Variants in FZD9 observed in about 807,000 individuals in gnomAD.
FZD9 encodes frizzled class receptor 9, also known as frizzled-9.
A neutral mutation model predicts 29.9 loss-of-function variants in FZD9; 29 were observed. That is an observed-to-expected ratio of 0.97 (90% CI 0.72 to 1.32). The LOEUF (loss-of-function observed/expected upper bound fraction) is 1.32. Among genes scored for constraint, FZD9 ranks in the 40% most tolerant of loss-of-function variants. The probability of loss-of-function intolerance (pLI) is 0.00; values close to 1 mark genes in which losing one functional copy is unlikely to be tolerated. For synonymous variants in FZD9, 384 were observed against 393.9 expected, an observed-to-expected ratio of 0.97 and a Z score of 0.30; for missense variants, 822 against 857.8, an observed-to-expected ratio of 0.96 and a Z score of 0.52.
Position 73,434,819 on chromosome 7 carries a change from C to T in FZD9, c.812C>T (p.Ser271Phe). The T allele has an allele frequency of 6.2e-7, 1 of 1,613,340 alleles. No homozygotes were observed. Among genetic ancestry groups the T allele is most frequent in the Non-Finnish European group, 8.5e-7 (1 of 1,180,006 alleles). ...CCCGAGCGCCCCATCATCTTCCTCT[C>T]CATGTGCTACAACGTCTACTCGCTG... The part of the protein sequence containing the change: ...QYPERPIIFL[S>F]MCYNVYSLAF... The change falls in exon 1 of 1, where the codon TCC (serine) becomes TTC (phenylalanine). Residue 271 changes from serine to phenylalanine, a missense_variant. By Grantham distance (155) the Ser-to-Phe change is radical. Coordinates refer to ENST00000344575, the MANE Select transcript of FZD9 (RefSeq NM_003508.3).
chr7:73,434,520 C>A lies in FZD9; in HGVS notation c.513C>A (p.Gly171=), dbSNP rs1199362931. 6.9e-6 allele frequency: 10 copies of A among 1,441,168 alleles called. No individual in the cohort carries two copies. Among genetic ancestry groups the A allele is most frequent in the Non-Finnish European group, 9.0e-6 (10 of 1,109,104 alleles). 89.3% of individuals were successfully genotyped at this position (1,441,168 alleles called of 1,614,324 possible). Reference sequence around the variant, plus strand: ...CCGCGGAGCCCCACAAGGGCCTGGGCATGCTGCCCGTGGCGCCGCGGCCCG... The same window carrying A: ...CCGCGGAGCCCCACAAGGGCCTGGGAATGCTGCCCGTGGCGCCGCGGCCCG... ...AGPAEPHKGL[G]MLPVAPRPAR... Residue 171 remains glycine (G), a synonymous_variant, in exon 1 of 1, where the codon GGC becomes GGA. Coordinates refer to ENST00000344575, the MANE Select transcript of FZD9 (RefSeq NM_003508.3).
rs1168629728 is a variant in FZD9, at chr7:73,434,912, A to T, written c.905A>T (p.Tyr302Phe). Residue 302 changes from tyrosine to phenylalanine, a missense_variant, in exon 1 of 1, where the codon TAC (tyrosine) becomes TTC (phenylalanine). By Grantham distance (22) the Tyr-to-Phe change is conservative (BLOSUM62 3). Transcript: ENST00000344575. ...TGTGACCAGGAGGCGGGCGCGCTCT[A>T]CGTGATCCAGGAGGGCCTGGAGAAC... Reference protein sequence around the residue: ...VACDQEAGALYVIQEGLENTG... With the variant: ...VACDQEAGALFVIQEGLENTG... The T allele has an allele frequency of 4.3e-6, 7 of 1,613,746 alleles. No homozygotes were observed. The African/African-American group carries it at 8.0e-5, about 18-fold the overall frequency.
chr7:73,434,268 C>A lies in FZD9; in HGVS notation c.261C>A (p.His87Gln). 1 of 1,588,400 alleles carries A rather than the reference C, an allele frequency of 6.3e-7. No individual in the cohort carries two copies. The highest frequency in any genetic ancestry group is 2.3e-5 in the East Asian group (1 of 43,900). The change falls in exon 1 of 1, where the codon CAC becomes CAA. Residue 87 changes from histidine (H) to glutamine (Q), a missense_variant. By Grantham distance (24) the His-to-Gln change is conservative (BLOSUM62 0). Transcript: ENST00000344575. ...TGGTGCAGTACGGCTGCCACAGCCA[C>A]CTGCGCTTCTTCCTGTGCTCGCTCT... ...APLVQYGCHSHLRFFLCSLYA... is the reference protein window; with the variant it reads ...APLVQYGCHSQLRFFLCSLYA...
At position 73,434,596 on chromosome 7, in the gene FZD9, G is replaced by C. The variant is rs1459118499; in HGVS notation, c.589G>C (p.Glu197Gln). 7.2e-6 allele frequency: 11 copies of C among 1,537,780 alleles called. No homozygotes were observed. The highest frequency in any genetic ancestry group is 8.7e-6 in the Non-Finnish European group (10 of 1,149,400). ...GPGAGGSGTC[E>Q]NPEKFQYVEK... ...GGGCGCGGGCGGCAGTGGCACCTGC[G>C]AGAACCCCGAGAAGTTCCAGTACGT... Residue 197 changes from glutamate (E) to glutamine (Q), a missense_variant, in exon 1 of 1, where the codon GAG becomes CAG. Glu to Gln is a conservative substitution (Grantham distance 29). Coordinates refer to ENST00000344575, the MANE Select transcript of FZD9 (RefSeq NM_003508.3).
Position 73,434,943 on chromosome 7 carries a change from C to A in FZD9, c.936C>A (p.Gly312=). The A allele has an allele frequency of 6.2e-7, 1 of 1,614,036 alleles. No homozygotes were observed. The highest frequency in any genetic ancestry group is 8.5e-7 in the Non-Finnish European group (1 of 1,180,016). Residue 312 remains glycine, a synonymous_variant, in exon 1 of 1, where the codon GGC becomes GGA. Coordinates refer to ENST00000344575, the MANE Select transcript of FZD9 (RefSeq NM_003508.3). The stretch of plus-strand genomic sequence containing the variant: ...TCCAGGAGGGCCTGGAGAACACGGG[C>A]TGCACGCTGGTCTTCCTACTGCTCT... ...YVIQEGLENT[G]CTLVFLLLYY...
rs782632335 is a variant in FZD9 at position 73,436,015 on chromosome 7, G to A, written c.*232G>A. On this transcript the variant is annotated 3_prime_UTR_variant, in exon 1 of 1. Transcript: ENST00000344575. ...GAGTCCCCACAGGGTCCTAGTGGAG[G>A]ATGTGGAGGGGCGGGGCAGAGGGGT... The A allele has an allele frequency of 1.2e-5, 6 of 507,092 alleles. No individual in the cohort carries two copies. Among genetic ancestry groups the A allele is most frequent in the Non-Finnish European group, 2.1e-5 (6 of 284,058 alleles). 31.4% of individuals were successfully genotyped at this position (507,092 alleles called of 1,614,324 possible). A position where few individuals can be genotyped will look rare whatever the true frequency, so the allele number is the denominator to read the frequency against.
Position 73,435,198 on chromosome 7 carries a change from G to A in FZD9, c.1191G>A (p.Ala397=), listed in dbSNP as rs1401799000. The part of the protein sequence containing the change: ...LCYVASTDAA[A]LTGFVLVPLS... ...ACGTGGCCAGCACGGATGCAGCAGC[G>A]CTCACGGGCTTCGTGCTGGTGCCCC... Residue 397 remains alanine (A), a synonymous_variant, in exon 1 of 1, where the codon GCG becomes GCA. Transcript: ENST00000344575. The A allele has an allele frequency of 2.5e-6, 4 of 1,613,150 alleles. No individual in the cohort carries two copies. In the African/African-American group the frequency reaches 4.0e-5, roughly 16 times the overall value.
rs1554563703 is a variant in FZD9, at chr7:73,435,768, C to T, written c.1761C>T (p.Asn587=). 1.3e-6 allele frequency: 2 copies of T among 1,590,266 alleles called. No individual in the cohort carries two copies. Among genetic ancestry groups the T allele is most frequent in the African/African-American group, 2.7e-5 (2 of 74,508 alleles). Residue 587 remains asparagine, a synonymous_variant, in exon 1 of 1, where the codon AAC becomes AAT. Coordinates refer to ENST00000344575, the MANE Select transcript of FZD9 (RefSeq NM_003508.3). ...CTAAGACGGACCCCTCTTTGGAGAA[C>T]CCCACACACCTCTAGCCACACAGGC... is the stretch of plus-strand genomic sequence containing the variant. The part of the protein sequence containing the change: ...HMTKTDPSLE[N]PTHL
rs782166013 is a variant in FZD9 at position 73,435,103 on chromosome 7, C to G, written c.1096C>G (p.Pro366Ala). The change falls in exon 1 of 1, where the codon CCC becomes GCC. Residue 366 changes from proline to alanine, a missense_variant. Physicochemically the swap from Pro to Ala is conservative, Grantham distance 27 (BLOSUM62 -1). Coordinates refer to ENST00000344575, the MANE Select transcript of FZD9 (RefSeq NM_003508.3). Reference sequence around the variant, plus strand: ...TTTCCACATGGCTGCCTGGGGCCTGCCCGCGCTCAAGACCATCGTCATCCT... The same window carrying G: ...TTTCCACATGGCTGCCTGGGGCCTGGCCGCGCTCAAGACCATCGTCATCCT... ...SYFHMAAWGL[P>A]ALKTIVILTL... 1 of 1,611,480 alleles carries G rather than the reference C, an allele frequency of 6.2e-7. No individual in the cohort carries two copies. Among genetic ancestry groups the G allele is most frequent in the Non-Finnish European group, 8.5e-7 (1 of 1,178,970 alleles).
Position 73,434,448 on chromosome 7 carries a change from C to T in FZD9, c.441C>T (p.Asp147=), listed in dbSNP as rs1787362219. The T allele has an allele frequency of 2.6e-6, 4 of 1,537,950 alleles. No homozygotes were observed. The East Asian group carries it at 1.0e-4, about 39-fold the overall frequency. The part of the protein sequence containing the change: ...LDCARLPTRN[D]PHALCMEAPE... ...GCGCCCGGCTGCCCACGCGCAACGA[C>T]CCGCACGCGCTGTGCATGGAGGCGC... Residue 147 remains aspartate (D), a synonymous_variant, in exon 1 of 1, where the codon GAC becomes GAT. Coordinates refer to ENST00000344575, the MANE Select transcript of FZD9 (RefSeq NM_003508.3).
chr7:73,434,650 T>C lies in FZD9; in HGVS notation c.643T>C (p.Cys215Arg). The C allele has an allele frequency of 6.3e-7, 1 of 1,598,892 alleles. No individual in the cohort carries two copies. Reference sequence around the variant, plus strand: ...GAAGAGCCGCTCGTGCGCACCGCGCTGCGGGCCCGGCGTCGAGGTGTTCTG... The same window carrying C: ...GAAGAGCCGCTCGTGCGCACCGCGCCGCGGGCCCGGCGTCGAGGTGTTCTG... ...VEKSRSCAPRCGPGVEVFWSR... is the reference protein window; with the variant it reads ...VEKSRSCAPRRGPGVEVFWSR... Residue 215 changes from cysteine to arginine, a missense_variant, in exon 1 of 1, where the codon TGC becomes CGC. Coordinates refer to ENST00000344575, the MANE Select transcript of FZD9 (RefSeq NM_003508.3).
At position 73,435,558 on chromosome 7, in the gene FZD9, A is replaced by G. The variant is rs782186839; in HGVS notation, c.1551A>G (p.Ser517=). Residue 517 remains serine, a synonymous_variant, in exon 1 of 1, where the codon TCA becomes TCG. Transcript: ENST00000344575. ...VAVFMLKIFM[S]LVVGITSGVW... is the part of the protein sequence containing the mutation. ...TCTTCATGCTCAAAATTTTCATGTC[A>G]CTGGTGGTGGGGATCACCAGCGGCG... The G allele has an allele frequency of 1.2e-6, 2 of 1,613,040 alleles. No homozygotes were observed. The highest frequency in any genetic ancestry group is 8.5e-7 in the Non-Finnish European group (1 of 1,179,780).
At position 73,434,389 on chromosome 7, in the gene FZD9, C is replaced by T. The variant is rs1554563267; in HGVS notation, c.382C>T (p.Gln128Ter). The T allele has an allele frequency of 6.3e-7, 1 of 1,580,718 alleles. No individual in the cohort carries two copies. The highest frequency in any genetic ancestry group is 8.5e-7 in the Non-Finnish European group (1 of 1,170,926). ...ARLRCAPIMEQFNFGWPDSLD... is the reference protein window; with the variant it reads ...ARLRCAPIME The stretch of plus-strand genomic sequence containing the variant: ...CCTGCGCTGCGCGCCCATCATGGAG[C>T]AGTTCAACTTCGGCTGGCCGGACTC... The change falls in exon 1 of 1, where the codon CAG becomes TAG. Residue 128 changes from glutamine (Q) to a stop codon, truncating the protein, a stop_gained. Transcript: ENST00000344575. LOFTEE classifies it low-confidence loss of function (END_TRUNC).
At position 73,436,034 on chromosome 7, in the gene FZD9, G is replaced by C; in HGVS notation, c.*251G>C. On this transcript the variant is annotated 3_prime_UTR_variant, in exon 1 of 1. Coordinates refer to ENST00000344575, the MANE Select transcript of FZD9 (RefSeq NM_003508.3). ...GTGGAGGATGTGGAGGGGCGGGGCA[G>C]AGGGGTCCAGCCGGAGTTTATTTAA... 2.1e-6 allele frequency: 1 copy of C among 466,312 alleles called. No individual in the cohort carries two copies. 28.9% of individuals were successfully genotyped at this position (466,312 alleles called of 1,614,324 possible). A position where few individuals can be genotyped will look rare whatever the true frequency, so the allele number is the denominator to read the frequency against.
chr7:73,435,187 G>C lies in FZD9; in HGVS notation c.1180G>C (p.Asp394His), dbSNP rs1394440286. Residue 394 changes from aspartate to histidine, a missense_variant, in exon 1 of 1, where the codon GAT (aspartate) becomes CAT (histidine). Asp to His is a moderately conservative substitution (Grantham distance 81, BLOSUM62 -1). Coordinates refer to ENST00000344575, the MANE Select transcript of FZD9 (RefSeq NM_003508.3). ...LTGLCYVAST[D>H]AAALTGFVLV... Reference sequence around the variant, plus strand: ...TGGGCTTTGCTACGTGGCCAGCACGGATGCAGCAGCGCTCACGGGCTTCGT... The same window carrying C: ...TGGGCTTTGCTACGTGGCCAGCACGCATGCAGCAGCGCTCACGGGCTTCGT... 1 of 1,613,046 alleles carries C rather than the reference G, an allele frequency of 6.2e-7. No homozygotes were observed. Among genetic ancestry groups the C allele is most frequent in the Non-Finnish European group, 8.5e-7 (1 of 1,180,034 alleles).
chr7:73,434,455 G>A lies in FZD9; in HGVS notation c.448G>A (p.Ala150Thr), dbSNP rs1291513232. 3 of 1,532,650 alleles carry A rather than the reference G, an allele frequency of 2.0e-6. No individual in the cohort carries two copies. Among genetic ancestry groups the A allele is most frequent in the South Asian group, 1.2e-5 (1 of 82,324 alleles). 94.9% of individuals were successfully genotyped at this position (1,532,650 alleles called of 1,614,324 possible). ...ARLPTRNDPH[A>T]LCMEAPENAT... ...GCTGCCCACGCGCAACGACCCGCAC[G>A]CGCTGTGCATGGAGGCGCCCGAGAA... Residue 150 changes from alanine to threonine, a missense_variant, in exon 1 of 1, where the codon GCG becomes ACG. Coordinates refer to ENST00000344575, the MANE Select transcript of FZD9 (RefSeq NM_003508.3).
rs1554563255 is a variant in FZD9 at position 73,434,364 on chromosome 7, C to A, written c.357C>A (p.Arg119=). The change falls in exon 1 of 1, where the codon CGC becomes CGA. Residue 119 remains arginine, a synonymous_variant. Transcript: ENST00000344575. ...PACRPMCEQA[R]LRCAPIMEQF... is the part of the protein sequence containing the mutation. ...GCCGGCCCATGTGCGAGCAGGCGCG[C>A]CTGCGCTGCGCGCCCATCATGGAGC... The A allele has an allele frequency of 1.3e-6, 2 of 1,584,182 alleles. No individual in the cohort carries two copies.
chr7:73,434,614 C>G lies in FZD9; in HGVS notation c.607C>G (p.Gln203Glu). The G allele has an allele frequency of 6.3e-7, 1 of 1,577,484 alleles. No homozygotes were observed. Residue 203 changes from glutamine to glutamate, a missense_variant, in exon 1 of 1, where the codon CAG (glutamine) becomes GAG (glutamate). Physicochemically the swap from Gln to Glu is conservative, Grantham distance 29 (BLOSUM62 2). Coordinates refer to ENST00000344575, the MANE Select transcript of FZD9 (RefSeq NM_003508.3). ...CACCTGCGAGAACCCCGAGAAGTTC[C>G]AGTACGTGGAGAAGAGCCGCTCGTG... ...SGTCENPEKF[Q>E]YVEKSRSCAP...
Position 73,434,401 on chromosome 7 carries a change from G to A in FZD9, c.394G>A (p.Gly132Ser), listed in dbSNP as rs782278157. 2 of 1,575,104 alleles carry A rather than the reference G, an allele frequency of 1.3e-6. No homozygotes were observed. The highest frequency in any genetic ancestry group is 1.2e-5 in the South Asian group (1 of 86,834). ...GCCCATCATGGAGCAGTTCAACTTCGGCTGGCCGGACTCGCTCGACTGCGC... is the reference window on the plus strand; with the variant it reads ...GCCCATCATGGAGCAGTTCAACTTCAGCTGGCCGGACTCGCTCGACTGCGC... Reference protein sequence around the residue: ...CAPIMEQFNFGWPDSLDCARL... With the variant: ...CAPIMEQFNFSWPDSLDCARL... Residue 132 changes from glycine to serine, a missense_variant, in exon 1 of 1, where the codon GGC becomes AGC. By Grantham distance (56) the Gly-to-Ser change is moderately conservative. Transcript: ENST00000344575.
Sources: gnomAD v4.1 joint callset for allele counts on GRCh38, gnomAD v4.1.1 for gene constraint, MANE v1.5 for transcripts, NCBI Gene and HGNC (gene_info 2026-07-23, HGNC 2026-07-21) for gene names.